Variants in JAZF1 observed in about 807,000 individuals in gnomAD.
The protein encoded by JAZF1 is juxtaposed with another zinc finger protein 1.
In JAZF1, 8 loss-of-function variants were observed where a neutral mutation model predicts 26.4. That is an observed-to-expected ratio of 0.30 (90% CI 0.18 to 0.55). The LOEUF (loss-of-function observed/expected upper bound fraction) is 0.55, where lower values mean the gene tolerates loss of function less well. Ranked by LOEUF, JAZF1 falls within the 20% of genes least tolerant of loss-of-function variation. JAZF1 has a pLI of 0.94. For missense variants in JAZF1, 199 were observed against 322.0 expected, an observed-to-expected ratio of 0.62 and a Z score of 2.92; for synonymous variants, 126 against 122.3, an observed-to-expected ratio of 1.03 and a Z score of -0.20.
At chr7:27,979,720 G>A (rs893911430) in intron 2 of JAZF1, among the ~76,000 whole-genome samples, 5 of 151,912 alleles carry the variant, frequency 3.3e-5, no homozygotes, top group East Asian at 3.9e-4. Context: ...GCAGCTCCCC[G>A]AATCCCCTGC....
chr7:27,948,448 A>AT (rs978064992), intron 2 of JAZF1, among the ~76,000 whole-genome samples: 2 of 151,964 alleles, frequency 1.3e-5, no homozygotes, highest in African/African-American at 2.4e-5. Context: ...ATGAAGCATT[A>AT]TTTTTTTTCT....
chr7:28,059,042 A>G (rs1783759414), intron 1 of JAZF1, among the ~76,000 whole-genome samples: 1 of 152,170 alleles, frequency 6.6e-6, no homozygotes, highest in Admixed American at 6.5e-5. Context: ...TGTGATTTCA[A>G]TAATTTTGAC....
intron 1 of JAZF1, among the ~76,000 whole-genome samples, chr7:28,092,317 A>C (rs988790337): frequency 5.5e-4 from 78 of 142,096 alleles, no homozygotes; most frequent in Admixed American, 1.3e-3. Context: ...AAAAAAAAAA[A>C]AAAAAAAAAC....
At chr7:28,101,130 A>G (rs1368314428) in intron 1 of JAZF1, among the ~76,000 whole-genome samples, 2 of 152,244 alleles carry the variant, frequency 1.3e-5, no homozygotes, top group Non-Finnish European at 2.9e-5. Context: ...AGCATTCCAG[A>G]TAACAATAGA....
intron 2 of JAZF1, among the ~76,000 whole-genome samples, chr7:27,988,919 G>GT (rs1363867159): frequency 4.4e-4 from 14 of 31,998 alleles, no homozygotes; most frequent in African/African-American, 1.6e-3. Flanking sequence ...AAGAATCTCT[G>GT]TAAAAAAAAA....
intron 3 of JAZF1, among the ~76,000 whole-genome samples, chr7:27,890,405 G>A (rs989842317): frequency 4.3e-4 from 66 of 152,190 alleles, no homozygotes; most frequent in Non-Finnish European, 2.5e-4. Context: ...GTGTGAAAAT[G>A]AAAGTTACAG....
intron 1 of JAZF1, among the ~76,000 whole-genome samples, chr7:28,114,934 T>C (rs1784718816): frequency 6.6e-6 from 1 of 152,098 alleles, no homozygotes; most frequent in Non-Finnish European, 1.5e-5. Context: ...GAGACTCAAA[T>C]TTATCAAGAG....
intron 2 of JAZF1, among the ~76,000 whole-genome samples, chr7:27,910,839 T>C (rs1044075909): frequency 1.3e-5 from 2 of 152,184 alleles, no homozygotes; most frequent in African/African-American, 4.8e-5. Flanking sequence ...AGTTCGTGTA[T>C]GCAAACCAAG....
At chr7:28,000,945 A>T (rs1195045135) in intron 1 of JAZF1, among the ~76,000 whole-genome samples, 1 of 152,170 alleles carries the variant, frequency 6.6e-6, no homozygotes, top group Non-Finnish European at 1.5e-5. Flanking sequence ...ATGGAGACAA[A>T]TAAATTGAAT....
intron 1 of JAZF1, among the ~76,000 whole-genome samples, chr7:28,126,459 T>C (rs575470393): frequency 1.3e-5 from 2 of 149,030 alleles, no homozygotes; most frequent in African/African-American, 5.0e-5. Context: ...TTGGATAAGG[T>C]CTTTTGGAGG....
At chr7:28,145,097 T>C (rs1176694675) in intron 1 of JAZF1, among the ~76,000 whole-genome samples, 1 of 152,022 alleles carries the variant, frequency 6.6e-6, no homozygotes, top group Non-Finnish European at 1.5e-5. Flanking sequence ...GAACAAGGAA[T>C]AAAGAAACCA....
chr7:28,120,501 C>CTTTTTTTTTTTTTTTTTTTTT lies in JAZF1; in HGVS notation c.115+59941_115+59961dup, dbSNP rs58448766. Among the ~76,000 whole-genome samples the CTTTTTTTTTTTTTTTTTTTTT allele has an allele frequency of 1.1e-3, 64 of 59,012 alleles. 19 individuals carry two copies. Among genetic ancestry groups the CTTTTTTTTTTTTTTTTTTTTT allele is most frequent in the East Asian group, 6.5e-3 (6 of 918 alleles). The allele number at this position is 59,012 out of a possible 152,430, so 38.7% of individuals were successfully genotyped here. A position where few individuals can be genotyped will look rare whatever the true frequency, so the allele number is the denominator to read the frequency against. On this transcript the variant is annotated intron_variant, in intron 1 of 4. Transcript: ENST00000283928. The stretch of plus-strand genomic sequence containing the variant: ...TCTGAACCACTAGCCACACACAGTT[C>CTTTTTTTTTTTTTTTTTTTTT]TTTTTTTTTTTTTTTTTTTTTTTTT...
At chr7:28,008,654 A>G (rs910495483) in intron 1 of JAZF1, among the ~76,000 whole-genome samples, 1 of 152,258 alleles carries the variant, frequency 6.6e-6, no homozygotes, top group Non-Finnish European at 1.5e-5. Context: ...AATTATTTGC[A>G]TAAAGAACTT....
chr7:27,913,531 T>A (rs1428923425), intron 2 of JAZF1: 1 of 293,626 alleles, frequency 3.4e-6, no homozygotes, highest in Non-Finnish European at 7.0e-6. Context: ...CGGAGCTAAG[T>A]GGTCAGCACA....
chr7:27,994,452 A>AC (rs1181040327), intron 1 of JAZF1, among the ~76,000 whole-genome samples: 3 of 34,230 alleles, frequency 8.8e-5, no homozygotes, highest in African/African-American at 1.8e-4. Context: ...AAAAAAAAAA[A>AC]AACAAAAAAC....
At chr7:28,089,223 A>T (rs1296495719) in intron 1 of JAZF1, among the ~76,000 whole-genome samples, 1 of 152,198 alleles carries the variant, frequency 6.6e-6, no homozygotes, top group Non-Finnish European at 1.5e-5. Flanking sequence ...ATAAGAGTGG[A>T]GTCCTTGCCT....
intron 1 of JAZF1, among the ~76,000 whole-genome samples, chr7:28,100,021 A>G (rs143668899): frequency 0.015 from 2,260 of 152,290 alleles, 29 homozygotes; most frequent in Non-Finnish European, 0.02. Flanking sequence ...CAAGTACTTA[A>G]AGTCAAGTTT....
intron 1 of JAZF1, among the ~76,000 whole-genome samples, chr7:28,029,336 G>T (rs1369702944): frequency 1.3e-5 from 2 of 152,190 alleles, no homozygotes; most frequent in Non-Finnish European, 2.9e-5. Context: ...GAAGGAGAAA[G>T]AATGAGGACG....
rs113018287 is a variant in JAZF1 at position 28,121,186 on chromosome 7, G to GAAAAA, written c.115+59272_115+59276dup. 1.3e-4 allele frequency among the ~76,000 whole-genome samples: 17 copies of GAAAAA among 134,142 alleles called. 3 individuals are homozygous for GAAAAA. The highest frequency in any genetic ancestry group is 3.6e-3 in the Middle Eastern group (1 of 276). The allele number at this position is 134,142 out of a possible 152,430, so 88.0% of individuals were successfully genotyped here. A position where few individuals can be genotyped will look rare whatever the true frequency, so the allele number is the denominator to read the frequency against. ...CCGCACAACAGAAGGAGACTGTCTCGAAAAAAAAAGAAAAAGAAAAGGAAA... is the reference window on the plus strand; with the variant it reads ...CCGCACAACAGAAGGAGACTGTCTCGAAAAAAAAAAAAAAGAAAAAGAAAAGGAAA... On this transcript the variant is annotated intron_variant, in intron 1 of 4. Transcript: ENST00000283928.
Sources: gnomAD v4.1 joint callset for allele counts (sites outside exome capture counted in the v4.1 genomes callset) on GRCh38, gnomAD v4.1.1 for gene constraint, MANE v1.5 for transcripts, NCBI Gene and HGNC (gene_info 2026-07-23, HGNC 2026-07-21) for gene names.